ERGIC1: variants seen among roughly 807,000 people sequenced by gnomAD.
The protein encoded by ERGIC1 is endoplasmic reticulum-golgi intermediate compartment 1.
In ERGIC1, 19 loss-of-function variants were observed where a neutral mutation model predicts 38.3. That is an observed-to-expected ratio of 0.50 (90% CI 0.35 to 0.73). The LOEUF (loss-of-function observed/expected upper bound fraction) is 0.73. ERGIC1 is among the 30% of genes least tolerant of loss of function. The probability of loss-of-function intolerance (pLI) is 0.01; values close to 1 mark genes in which losing one functional copy is unlikely to be tolerated. For synonymous variants in ERGIC1, 124 were observed against 157.6 expected (o/e 0.79, Z 1.60); for missense variants, 294 against 389.2 (o/e 0.76, Z 2.06).
intron 9 of ERGIC1, among the ~76,000 whole-genome samples, chr5:172,942,010 G>T (rs571497089): frequency 2.6e-5 from 4 of 152,246 alleles, no homozygotes; most frequent in East Asian, 3.9e-4. Context: ...TTTGAGACCA[G>T]CCTAACATGG....
At chr5:172,877,297 C>G (rs1026147714) in intron 1 of ERGIC1, among the ~76,000 whole-genome samples, 4 of 151,906 alleles carry the variant, frequency 2.6e-5, no homozygotes, top group African/African-American at 9.7e-5. Flanking sequence ...ACTAACATGT[C>G]TATATTTCCA....
intron 1 of ERGIC1, among the ~76,000 whole-genome samples, chr5:172,861,990 ATTTTAT>A (rs1761713832): frequency 6.6e-6 from 1 of 151,536 alleles, no homozygotes; most frequent in African/African-American, 2.4e-5. Context: ...TTATTTTTTA[ATTTTAT>A]TATTATTATT....
chr5:172,869,145 G>A (rs1031219029), intron 1 of ERGIC1, among the ~76,000 whole-genome samples: 10 of 152,262 alleles, frequency 6.6e-5, no homozygotes, highest in Admixed American at 3.9e-4. Flanking sequence ...CTGAGGGAAT[G>A]GCAGGCATGC....
At chr5:172,931,703 C>T (rs1297066475) in intron 7 of ERGIC1, among the ~76,000 whole-genome samples, 2 of 152,110 alleles carry the variant, frequency 1.3e-5, no homozygotes, top group Admixed American at 1.3e-4. Flanking sequence ...CTAAAGCTGC[C>T]CGTGGTTCCT....
intron 1 of ERGIC1, among the ~76,000 whole-genome samples, chr5:172,872,492 T>C (rs1471954450): frequency 1.3e-5 from 2 of 152,178 alleles, no homozygotes; most frequent in Non-Finnish European, 1.5e-5. Flanking sequence ...CCTTGACTTA[T>C]TTCTCAAGGT....
chr5:172,877,454 A>AT (rs1561713655), intron 1 of ERGIC1, among the ~76,000 whole-genome samples: 1 of 121,940 alleles, frequency 8.2e-6, no homozygotes, highest in African/African-American at 3.2e-5. Context: ...ATATATATAT[A>AT]TATATTTTTT....
chr5:172,839,111 C>G (rs908050178), intron 1 of ERGIC1, among the ~76,000 whole-genome samples: 2 of 151,702 alleles, frequency 1.3e-5, no homozygotes, highest in South Asian at 2.1e-4. Flanking sequence ...CTTGATGGTA[C>G]ATACCTGTAA....
At chr5:172,920,534 GAGACACTGACGT>G (rs1763484916) in intron 5 of ERGIC1, 2 of 696,716 alleles carry the variant, frequency 2.9e-6, no homozygotes, top group Non-Finnish European at 5.3e-6. Flanking sequence ...AAATCCATCA[GAGACACTGACGT>G]AGGTTCCTAA....
intron 9 of ERGIC1, among the ~76,000 whole-genome samples, chr5:172,939,870 G>A (rs1037889050): frequency 2.0e-4 from 30 of 151,982 alleles, no homozygotes; most frequent in African/African-American, 6.5e-4. Flanking sequence ...AGACACACAC[G>A]TACACACACG....
chr5:172,851,244 C>T (rs1004714826), intron 1 of ERGIC1, among the ~76,000 whole-genome samples: 1 of 148,868 alleles, frequency 6.7e-6, no homozygotes, highest in Non-Finnish European at 1.5e-5. Context: ...CACAGTGGCT[C>T]ACATCTGTAA....
intron 1 of ERGIC1, among the ~76,000 whole-genome samples, chr5:172,851,716 A>G (rs1267471704): frequency 6.6e-6 from 1 of 152,020 alleles, no homozygotes; most frequent in African/African-American, 2.4e-5. Context: ...CCTCTGAGAC[A>G]TGAGGACAGT....
At chr5:172,943,182 T>TA in intron 9 of ERGIC1, among the ~76,000 whole-genome samples, 1 of 152,258 alleles carries the variant, frequency 6.6e-6, no homozygotes. Context: ...GAAGGTGCCA[T>TA]CTCAGACCCA....
At position 172,950,415 on chromosome 5, in the gene ERGIC1, G is replaced by A. The variant is rs77674043; in HGVS notation, c.766-294G>A. The stretch of plus-strand genomic sequence containing the variant: ...CACCTGATGAACCTCAGTTTCCTCC[G>A]CTGTGAAATGGGTCTAATAATTCCC... On this transcript the variant is annotated intron_variant, in intron 9 of 9. Coordinates refer to ENST00000393784, the MANE Select transcript of ERGIC1 (RefSeq NM_001031711.3). 3.9e-3 allele frequency among the ~76,000 whole-genome samples: 600 copies of A among 152,298 alleles called. 2 individuals are homozygous for A. The highest frequency in any genetic ancestry group is 0.02 in the South Asian group (98 of 4,826).
At chr5:172,853,599 C>T (rs1761467313) in intron 1 of ERGIC1, among the ~76,000 whole-genome samples, 1 of 152,206 alleles carries the variant, frequency 6.6e-6, no homozygotes, top group Non-Finnish European at 1.5e-5. Flanking sequence ...ATGCAGATTC[C>T]CATCTCCCCC....
intron 9 of ERGIC1, among the ~76,000 whole-genome samples, chr5:172,940,092 G>A (rs1763976723): frequency 6.6e-6 from 1 of 152,170 alleles, no homozygotes; most frequent in African/African-American, 2.4e-5. Context: ...GGCGGCTGCG[G>A]GGCTGGGAGG....
intron 5 of ERGIC1, chr5:172,920,644 A>G: frequency 1.8e-6 from 1 of 570,962 alleles, no homozygotes. Context: ...TTTGGTGTGG[A>G]GGGGGAGTGG....
intron 9 of ERGIC1, among the ~76,000 whole-genome samples, chr5:172,941,004 C>T (rs1453973896): frequency 6.6e-6 from 1 of 152,190 alleles, no homozygotes; most frequent in Non-Finnish European, 1.5e-5. Flanking sequence ...TTCAGCTGGG[C>T]GCGGTGGCTT....
intron 5 of ERGIC1, among the ~76,000 whole-genome samples, chr5:172,919,631 T>G (rs1244597771): frequency 1.3e-5 from 2 of 152,226 alleles, no homozygotes; most frequent in East Asian, 3.8e-4. Flanking sequence ...TCTCTGAGCC[T>G]CAGGTTCCTC....
intron 1 of ERGIC1, among the ~76,000 whole-genome samples, chr5:172,845,035 G>A (rs1000262620): frequency 1.1e-5 from 1 of 93,940 alleles, no homozygotes; most frequent in African/African-American, 2.6e-5. Context: ...GGAGGACGCA[G>A]GGGTATATAG....
Sources: allele counts gnomAD v4.1 joint callset (sites outside exome capture counted in the v4.1 genomes callset), GRCh38; gene constraint gnomAD v4.1.1; transcripts MANE v1.5; gene names NCBI Gene and HGNC (gene_info 2026-07-23, HGNC 2026-07-21).